The following RWDD1 variants were observed in gnomAD, a reference collection of about 807,000 sequenced individuals.
The protein encoded by RWDD1 is RWD domain containing 1, also known as RWD domain-containing protein 1.
Under a neutral mutation model 31.6 loss-of-function variants are expected in RWDD1, and 17 were observed. The observed-to-expected ratio is 0.54, with a 90% CI of 0.37 to 0.81. The LOEUF (loss-of-function observed/expected upper bound fraction) is 0.81, where lower values mean the gene tolerates loss of function less well. Ranked by LOEUF, RWDD1 falls within the 30% of genes least tolerant of loss-of-function variation. RWDD1 has a pLI of 0.00. For missense variants in RWDD1, 204 were observed against 274.5 expected (o/e 0.74, Z 1.82); for synonymous variants, 78 against 94.2 (o/e 0.83, Z 0.99).
At chr6:116,573,632 C>T (rs558340017) in intron 1 of RWDD1, among the ~76,000 whole-genome samples, 1 of 152,224 alleles carries the variant, frequency 6.6e-6, no homozygotes, top group Non-Finnish European at 1.5e-5. Flanking sequence ...GCAAGATTTT[C>T]TGTTTTATAG....
intron 1 of RWDD1, among the ~76,000 whole-genome samples, chr6:116,577,671 G>T (rs1035526548): frequency 6.6e-6 from 1 of 151,844 alleles, no homozygotes; most frequent in African/African-American, 2.4e-5. Context: ...CATTGCTGCC[G>T]ACCTAGTTCA....
intron 1 of RWDD1, among the ~76,000 whole-genome samples, chr6:116,579,025 G>A (rs1042042741): frequency 2.0e-5 from 3 of 152,016 alleles, no homozygotes; most frequent in Non-Finnish European, 2.9e-5. Context: ...ACAGGCATGC[G>A]CCACCACGCC....
Position 116,584,779 on chromosome 6 carries a change from T to C in RWDD1, c.192T>C (p.Ala64=). 6.2e-7 allele frequency: 1 copy of C among 1,606,350 alleles called. No individual in the cohort carries two copies. The highest frequency in any genetic ancestry group is 1.3e-5 in the African/African-American group (1 of 74,788). Residue 64 remains alanine, a synonymous_variant, in exon 3 of 7, where the codon GCT becomes GCC. Transcript: ENST00000466444. The part of the protein sequence containing the change: ...FTYSEKYPDE[A]PLYEIFSQEN... ...ACAGTGAAAAATACCCAGATGAAGC[T>C]CCCCTTTATGAAATATTCTCCCAGG...
intron 1 of RWDD1, among the ~76,000 whole-genome samples, chr6:116,577,997 C>G (rs767023888): frequency 7.2e-5 from 11 of 152,168 alleles, no homozygotes; most frequent in Admixed American, 3.9e-4. Context: ...TTCTCCATGT[C>G]TGCTTGCCAA....
intron 1 of RWDD1, among the ~76,000 whole-genome samples, chr6:116,574,424 A>G (rs191696973): frequency 1.2e-4 from 18 of 152,316 alleles, no homozygotes; most frequent in Non-Finnish European, 1.9e-4. Context: ...GTTCTAAGTC[A>G]TACTTTTTGA....
intron 6 of RWDD1, among the ~76,000 whole-genome samples, chr6:116,592,679 A>G (rs17078097): frequency 0.018 from 2,735 of 152,276 alleles, 72 homozygotes; most frequent in South Asian, 0.065. Flanking sequence ...ATTTTCTATA[A>G]CCAGGAGAAC....
At chr6:116,583,556 CAT>C (rs1774984957) in intron 2 of RWDD1, among the ~76,000 whole-genome samples, 6 of 151,806 alleles carry the variant, frequency 4.0e-5, no homozygotes, top group Non-Finnish European at 8.8e-5. Context: ...ACACACAAAT[CAT>C]AATGATATGA....
Position 116,590,387 on chromosome 6 carries a change from GA to G in RWDD1, c.536del (p.Asn179IlefsTer3). The G allele has an allele frequency of 6.3e-7, 1 of 1,592,496 alleles. No individual in the cohort carries two copies. Among genetic ancestry groups the G allele is most frequent in the Admixed American group, 1.8e-5 (1 of 54,346 alleles). ...AGGATGAAAGAAGAAGAACAAGCAGGAAAAAATAAATTAAGTGGTATGATTC... is the reference window on the plus strand; with the variant it reads ...AGGATGAAAGAAGAAGAACAAGCAGGAAAAATAAATTAAGTGGTATGATTC... ...KKRMKEEEQA[G>X]KNKLSGKQLF... On this transcript the variant is annotated frameshift_variant, in exon 5 of 7. Transcript: ENST00000466444. LOFTEE classifies it high-confidence loss of function.
chr6:116,571,710 G>A (rs1040112292), intron 1 of RWDD1, 55 bp downstream of exon 1: 22 of 1,537,718 alleles, frequency 1.4e-5, no homozygotes, highest in Non-Finnish European at 2.0e-5. Context: ...AGGACGGGCA[G>A]GAGCTGCCGC....
chr6:116,595,640 A>G lies in RWDD1; in HGVS notation c.*2539A>G, dbSNP rs529203631. 1 of 152,368 alleles carries G rather than the reference A, an allele frequency of 6.6e-6. No homozygotes were observed. The highest frequency in any genetic ancestry group is 1.9e-4 in the East Asian group (1 of 5,192). The allele number at this position is 152,368 out of a possible 1,614,324, so 9.4% of individuals were successfully genotyped here. On this transcript the variant is annotated 3_prime_UTR_variant, in exon 7 of 7. Coordinates refer to ENST00000466444, the MANE Select transcript of RWDD1 (RefSeq NM_015952.4). ...CACAGATATGTTTATTCATTACTGT[A>G]TCCCTGTAATAATGCCTGGCATGCA...
In RWDD1 at chr6:116,592,086, C is replaced by G. The variant is rs1775154596; in HGVS notation, c.611-894C>G. 2.0e-5 allele frequency among the ~76,000 whole-genome samples: 3 copies of G among 152,178 alleles called. No individual in the cohort carries two copies. In the South Asian group the frequency reaches 6.2e-4, roughly 32 times the overall value. ...CCTATGAGATGGTATTCCTAAAACCCATATTTAATCATACAATTTCTCTCC... is the reference window on the plus strand; with the variant it reads ...CCTATGAGATGGTATTCCTAAAACCGATATTTAATCATACAATTTCTCTCC... On this transcript the variant is annotated intron_variant, in intron 6 of 6. Coordinates refer to ENST00000466444, the MANE Select transcript of RWDD1 (RefSeq NM_015952.4).
intron 4 of RWDD1, 49 bp downstream of exon 4, chr6:116,589,034 C>A: frequency 8.4e-7 from 1 of 1,197,476 alleles, no homozygotes. Context: ...AATCAGTTTT[C>A]AGTTGCTTGG....
At chr6:116,572,998 G>A in intron 1 of RWDD1, 1 of 985,396 alleles carries the variant, frequency 1.0e-6, no homozygotes, top group Non-Finnish European at 1.2e-6. Flanking sequence ...GAGTGTGTAT[G>A]GAGTCTGGCT....
rs879748025 is a variant in RWDD1, at chr6:116,591,743, C to T, written c.610+793C>T. Among the ~76,000 whole-genome samples the T allele has an allele frequency of 2.0e-5, 3 of 152,366 alleles. No individual in the cohort carries two copies. In the East Asian group the frequency reaches 5.8e-4, roughly 29 times the overall value. On this transcript the variant is annotated intron_variant, in intron 6 of 6. Transcript: ENST00000466444. The stretch of plus-strand genomic sequence containing the variant: ...ACTCAGTCACACCTTTGATAGCACT[C>T]TAGAGTTCCGTACTTCATTAACCTT...
At chr6:116,584,888 C>T (rs1468308541) in intron 3 of RWDD1, 31 bp downstream of exon 3, 1 of 1,525,088 alleles carries the variant, frequency 6.6e-7, no homozygotes, top group Admixed American at 1.7e-5. Context: ...TGTTTTGTAG[C>T]AGCATTTATT....
intron 2 of RWDD1, among the ~76,000 whole-genome samples, chr6:116,582,076 G>A (rs941711865): frequency 4.6e-5 from 7 of 151,730 alleles, no homozygotes; most frequent in South Asian, 2.1e-4. Context: ...TGTTTAAAAT[G>A]TAAATATATG....
chr6:116,593,221 T>C lies in RWDD1; in HGVS notation c.*120T>C. ...AATTATTTTCAGGAGAATATTCTTC[T>C]GATAGCTTTCATCATTGAACTTAAT... On this transcript the variant is annotated 3_prime_UTR_variant, in exon 7 of 7. Coordinates refer to ENST00000466444, the MANE Select transcript of RWDD1 (RefSeq NM_015952.4). The C allele has an allele frequency of 1.0e-6, 1 of 987,012 alleles. No homozygotes were observed. The highest frequency in any genetic ancestry group is 1.4e-6 in the Non-Finnish European group (1 of 709,564). The allele number at this position is 987,012 out of a possible 1,614,324, so 61.1% of individuals were successfully genotyped here.
At chr6:116,578,518 A>G (rs966013133) in intron 1 of RWDD1, among the ~76,000 whole-genome samples, 2 of 152,026 alleles carry the variant, frequency 1.3e-5, no homozygotes, top group Non-Finnish European at 2.9e-5. Flanking sequence ...GAAAGTGGTA[A>G]TAAGTTGGAA....
rs1258619159 is a variant in RWDD1, at chr6:116,596,915, T to TTATC, written c.*3815_*3818dup. ...GAATTTTAATATTCTGGCCAGCACC[T>TTATC]TATCCATTTGTAGCCACGCCAACAA... is the stretch of plus-strand genomic sequence containing the variant. On this transcript the variant is annotated 3_prime_UTR_variant, in exon 7 of 7. Coordinates refer to ENST00000466444, the MANE Select transcript of RWDD1 (RefSeq NM_015952.4). 25 of 152,182 alleles carry TTATC rather than the reference T, an allele frequency of 1.6e-4. No homozygotes were observed. Among genetic ancestry groups the TTATC allele is most frequent in the African/African-American group, 5.8e-4 (24 of 41,450 alleles). The allele number at this position is 152,182 out of a possible 1,614,324, so 9.4% of individuals were successfully genotyped here.
Sources: gnomAD v4.1 joint callset for allele counts (sites outside exome capture counted in the v4.1 genomes callset) on GRCh38, gnomAD v4.1.1 for gene constraint, MANE v1.5 for transcripts, NCBI Gene and HGNC (gene_info 2026-07-23, HGNC 2026-07-21) for gene names.